USP34: variants seen among roughly 807,000 people sequenced by gnomAD.
The protein encoded by USP34 is ubiquitin carboxyl-terminal hydrolase 34.
A neutral mutation model predicts 460.3 loss-of-function variants in USP34; 70 were observed. That is an observed-to-expected ratio of 0.15 (90% CI 0.13 to 0.19). USP34 has a LOEUF of 0.19. USP34 is among the 10% of genes least tolerant of loss of function. The pLI, the probability that USP34 is intolerant of heterozygous loss-of-function variation, is 1.00. For synonymous variants in USP34, 1,647 were observed against 1,405.3 expected, an observed-to-expected ratio of 1.17 and a Z score of -3.85; for missense variants, 3,985 against 4,236.2, an observed-to-expected ratio of 0.94 and a Z score of 1.65.
chr2:61,432,389 C>T (rs1169894151), intron 1 of USP34, among the ~76,000 whole-genome samples: 2 of 152,112 alleles, frequency 1.3e-5, no homozygotes, highest in African/African-American at 2.4e-5. Flanking sequence ...GGTGGGCAGA[C>T]AGCTTGAGCC....
intron 29 of USP34, among the ~76,000 whole-genome samples, chr2:61,297,259 T>C (rs1245236395): frequency 6.6e-6 from 1 of 152,210 alleles, no homozygotes; most frequent in African/African-American, 2.4e-5. Flanking sequence ...TCTATTTCCA[T>C]TTTGCAGGTC....
intron 57 of USP34, among the ~76,000 whole-genome samples, chr2:61,234,346 T>A (rs1351325368): frequency 6.6e-6 from 1 of 152,240 alleles, no homozygotes. Flanking sequence ...AACTCTTTGG[T>A]TGCTAACCTA....
chr2:61,429,548 G>A (rs1694606766), intron 1 of USP34, among the ~76,000 whole-genome samples: 1 of 152,064 alleles, frequency 6.6e-6, no homozygotes, highest in East Asian at 1.9e-4. Context: ...AGTTGCTTAA[G>A]CACAGGCAGT....
At chr2:61,417,555 C>T (rs1362879231) in intron 2 of USP34, among the ~76,000 whole-genome samples, 1 of 152,036 alleles carries the variant, frequency 6.6e-6, no homozygotes. Flanking sequence ...TGTTCTCAGT[C>T]TCACACCATG....
intron 15 of USP34, among the ~76,000 whole-genome samples, chr2:61,344,848 A>G (rs1024944499): frequency 1.3e-5 from 2 of 152,214 alleles, no homozygotes; most frequent in Non-Finnish European, 2.9e-5. Context: ...GGAAATATCT[A>G]GAGATATTTT....
intron 15 of USP34, 100 bp downstream of exon 15, chr2:61,347,770 A>C: frequency 6.6e-7 from 1 of 1,513,718 alleles, no homozygotes; most frequent in African/African-American, 1.4e-5. Flanking sequence ...TATACTACTA[A>C]TGAATAGCAC....
At chr2:61,408,071 T>C (rs1257088796) in intron 2 of USP34, among the ~76,000 whole-genome samples, 1 of 152,016 alleles carries the variant, frequency 6.6e-6, no homozygotes, top group African/African-American at 2.4e-5. Context: ...GCCGAGATCA[T>C]GCCACTGCAC....
chr2:61,392,422 G>A (rs536777760), intron 5 of USP34, among the ~76,000 whole-genome samples: 10 of 152,200 alleles, frequency 6.6e-5, no homozygotes, highest in African/African-American at 1.7e-4. Flanking sequence ...TCAGGAGTTC[G>A]AGACCAGCCT....
chr2:61,279,133 T>G (rs1689460561), intron 39 of USP34, among the ~76,000 whole-genome samples: 1 of 151,900 alleles, frequency 6.6e-6, no homozygotes, highest in Admixed American at 6.6e-5. Context: ...TTATTTGGCA[T>G]CAATATTTTA....
chr2:61,432,484 C>T (rs1004469652), intron 1 of USP34, among the ~76,000 whole-genome samples: 1 of 151,892 alleles, frequency 6.6e-6, no homozygotes, highest in African/African-American at 2.4e-5. Flanking sequence ...CTCATAAATA[C>T]GTAAACAAAC....
intron 57 of USP34, among the ~76,000 whole-genome samples, chr2:61,232,762 A>C (rs1241147491): frequency 1.3e-5 from 2 of 151,956 alleles, no homozygotes; most frequent in African/African-American, 4.8e-5. Flanking sequence ...TGTGCATGAC[A>C]ATCTGTGGTC....
At chr2:61,316,979 T>C (rs1466627061) in intron 23 of USP34, among the ~76,000 whole-genome samples, 5 of 152,222 alleles carry the variant, frequency 3.3e-5, no homozygotes, top group Admixed American at 6.5e-5. Flanking sequence ...GTATTCTTTT[T>C]TCTTCAGATG....
chr2:61,288,770 T>C lies in USP34; in HGVS notation c.4656A>G (p.Ile1552Met). 1.2e-6 allele frequency: 2 copies of C among 1,614,072 alleles called. No individual in the cohort carries two copies. The highest frequency in any genetic ancestry group is 1.7e-6 in the Non-Finnish European group (2 of 1,179,980). The stretch of plus-strand genomic sequence containing the variant: ...AGGTTCTTTTCCTATGGCTTTCCGC[T>C]ATACCAGACCAGGCAAAGACATCAT... ...AYHDVFAWSG[I>M]AESHRKRTWP... The change falls in exon 34 of 80, where the codon ATA (isoleucine) becomes ATG (methionine). Residue 1552 changes from isoleucine (I) to methionine (M), a missense_variant. Coordinates refer to ENST00000398571, the MANE Select transcript of USP34 (RefSeq NM_014709.4).
chr2:61,302,099 T>G (rs958462156), intron 27 of USP34, among the ~76,000 whole-genome samples: 2 of 152,092 alleles, frequency 1.3e-5, no homozygotes, highest in South Asian at 2.1e-4. Flanking sequence ...GAGAAGACAT[T>G]CAAATTAAGT....
At chr2:61,394,614 AATAG>A (rs1693460280) in intron 5 of USP34, among the ~76,000 whole-genome samples, 1 of 152,022 alleles carries the variant, frequency 6.6e-6, no homozygotes, top group African/African-American at 2.4e-5. Flanking sequence ...TCTTAGATAA[AATAG>A]ATAATTATAG....
intron 20 of USP34, among the ~76,000 whole-genome samples, chr2:61,327,756 G>A (rs182860482): frequency 7.6e-4 from 116 of 152,174 alleles, no homozygotes; most frequent in African/African-American, 2.8e-3. Context: ...GGGTCCTATG[G>A]GCTGCTGAAA....
At chr2:61,309,493 G>A (rs755839192) in intron 27 of USP34, among the ~76,000 whole-genome samples, 4 of 152,076 alleles carry the variant, frequency 2.6e-5, no homozygotes, top group African/African-American at 7.2e-5. Context: ...ATGCATTGAG[G>A]GTTATCATGA....
chr2:61,469,985 T>C (rs778425531), intron 1 of USP34, among the ~76,000 whole-genome samples: 40 of 152,328 alleles, frequency 2.6e-4, no homozygotes, highest in Middle Eastern at 3.4e-3. Flanking sequence ...GTATGTGTAG[T>C]ACAGTGCTCT....
Position 61,339,353 on chromosome 2 carries a change from G to A in USP34, c.2742C>T (p.Asn914=). ...IEGCLENLGN[N]RSVVISLRLL... ...AAAATTTTTAAATTCCTCTTTACCT[G>A]TTGTTTCCCAAGTTTTCAAGGCAAC... The change falls in exon 18 of 80, where the codon AAC becomes AAT. Residue 914 remains asparagine (N), a splice_region_variant and synonymous_variant. Coordinates refer to ENST00000398571, the MANE Select transcript of USP34 (RefSeq NM_014709.4). 1 of 1,606,702 alleles carries A rather than the reference G, an allele frequency of 6.2e-7. No homozygotes were observed. The highest frequency in any genetic ancestry group is 8.5e-7 in the Non-Finnish European group (1 of 1,177,466).
Sources: gnomAD v4.1 joint callset for allele counts (sites outside exome capture counted in the v4.1 genomes callset) on GRCh38, gnomAD v4.1.1 for gene constraint, MANE v1.5 for transcripts, NCBI Gene and HGNC (gene_info 2026-07-23, HGNC 2026-07-21) for gene names.